RBFOX1: variants seen among roughly 807,000 people sequenced by gnomAD.
RBFOX1 encodes RNA binding protein fox-1 homolog 1.
In RBFOX1, 8 loss-of-function variants were observed where a neutral mutation model predicts 57.7. That is an observed-to-expected ratio of 0.14 (90% confidence interval 0.08 to 0.25). The LOEUF (loss-of-function observed/expected upper bound fraction) is 0.25, where lower values mean the gene tolerates loss of function less well. RBFOX1 is among the 10% of genes least tolerant of loss of function. The pLI, the probability that RBFOX1 is intolerant of heterozygous loss-of-function variation, is 1.00. For missense variants in RBFOX1, 611 were observed against 548.5 expected, an observed-to-expected ratio of 1.11 and a Z score of -1.14; for synonymous variants, 326 against 222.4, an observed-to-expected ratio of 1.47 and a Z score of -4.15.
intron 2 of RBFOX1, among the ~76,000 whole-genome samples, chr16:6,574,102 G>A (rs1013898101): frequency 2.0e-5 from 3 of 152,154 alleles, no homozygotes; most frequent in African/African-American, 7.2e-5. Flanking sequence ...AGCGATGAGA[G>A]GGAAACACTT....
chr16:7,463,049 A>G (rs967593470), intron 4 of RBFOX1, among the ~76,000 whole-genome samples: 1 of 152,220 alleles, frequency 6.6e-6, no homozygotes, highest in African/African-American at 2.4e-5. Context: ...CTTATCAACA[A>G]CAGAAATTCA....
intron 3 of RBFOX1, among the ~76,000 whole-genome samples, chr16:5,739,759 G>A (rs1324021644): frequency 6.6e-6 from 1 of 152,234 alleles, no homozygotes; most frequent in African/African-American, 2.4e-5. Flanking sequence ...CAGAGAGCAG[G>A]GAAAACAGGG....
intron 3 of RBFOX1, among the ~76,000 whole-genome samples, chr16:6,734,191 C>T (rs1185101263): frequency 2.0e-5 from 3 of 152,222 alleles, no homozygotes; most frequent in Admixed American, 6.5e-5. Context: ...AGCCCACATC[C>T]GTGCAGCTCT....
chr16:5,764,632 C>T (rs569829039), intron 3 of RBFOX1, among the ~76,000 whole-genome samples: 20 of 152,136 alleles, frequency 1.3e-4, no homozygotes, highest in African/African-American at 4.8e-4. Context: ...GGTAAGGAAC[C>T]CCGAGGGAAG....
chr16:7,512,063 C>A (rs2075239103), intron 4 of RBFOX1, among the ~76,000 whole-genome samples: 1 of 151,278 alleles, frequency 6.6e-6, no homozygotes, highest in African/African-American at 2.4e-5. Flanking sequence ...CACCCTGACT[C>A]TGCAGATATC....
At chr16:6,925,183 G>A (rs1245650047) in intron 3 of RBFOX1, among the ~76,000 whole-genome samples, 3 of 114,366 alleles carry the variant, frequency 2.6e-5, no homozygotes, top group African/African-American at 1.0e-4. Context: ...GCCTAGACTG[G>A]AGTGCAGTGG....
intron 2 of RBFOX1, among the ~76,000 whole-genome samples, chr16:6,414,632 C>A (rs746269165): frequency 1.3e-5 from 2 of 152,188 alleles, no homozygotes; most frequent in Non-Finnish European, 2.9e-5. Context: ...ATATCTAGCA[C>A]CATGTCTGGA....
At chr16:5,339,470 G>GGTTTTTTTTTTTTTTTTTTTTTTTTTTT (rs1567354925) in intron 1 of RBFOX1, among the ~76,000 whole-genome samples, 1 of 40,854 alleles carries the variant, frequency 2.4e-5, no homozygotes, top group South Asian at 2.0e-3. Flanking sequence ...CTTTTTCCGT[G>GGTTTTTTTTTTTTTTTTTTTTTTTTTTT]TTTTTTTTTT....
intron 4 of RBFOX1, among the ~76,000 whole-genome samples, chr16:7,228,813 T>C (rs2093312753): frequency 6.6e-6 from 1 of 152,234 alleles, no homozygotes; most frequent in Admixed American, 6.5e-5. Flanking sequence ...ATTAAAAACA[T>C]AATCTCTCGG....
chr16:7,680,741 CTAATG>C (rs1426370709), intron 14 of RBFOX1, among the ~76,000 whole-genome samples: 2 of 152,116 alleles, frequency 1.3e-5, no homozygotes, highest in African/African-American at 4.8e-5. Flanking sequence ...AGTTTCACTG[CTAATG>C]TAGAGTTAGA....
At chr16:5,907,610 G>A (rs1055785411) in intron 4 of RBFOX1, among the ~76,000 whole-genome samples, 1 of 151,986 alleles carries the variant, frequency 6.6e-6, no homozygotes, top group Non-Finnish European at 1.5e-5. Flanking sequence ...TTTAAGTCTC[G>A]TAACAACCCC....
At chr16:7,329,142 C>A (rs1180628780) in intron 4 of RBFOX1, among the ~76,000 whole-genome samples, 2 of 152,152 alleles carry the variant, frequency 1.3e-5, no homozygotes, top group African/African-American at 2.4e-5. Context: ...TTCTGCAACA[C>A]CTAAAATATT....
intron 4 of RBFOX1, among the ~76,000 whole-genome samples, chr16:5,893,559 C>A (rs1313660253): frequency 6.6e-6 from 1 of 152,136 alleles, no homozygotes; most frequent in Non-Finnish European, 1.5e-5. Context: ...GTAATCCCAG[C>A]CCTTTGGTAG....
At chr16:6,218,827 G>T (rs960806729) in intron 1 of RBFOX1, among the ~76,000 whole-genome samples, 20 of 147,654 alleles carry the variant, frequency 1.4e-4, no homozygotes, top group Admixed American at 8.4e-4. Context: ...TATTAGTTAA[G>T]TCCCAAATGG....
chr16:6,669,373 T>G (rs1336814955), intron 3 of RBFOX1, among the ~76,000 whole-genome samples: 1 of 152,184 alleles, frequency 6.6e-6, no homozygotes, highest in Non-Finnish European at 1.5e-5. Flanking sequence ...TAGGATTTAT[T>G]TTTGCATAAA....
chr16:7,433,378 A>G (rs543907103), intron 4 of RBFOX1, among the ~76,000 whole-genome samples: 1 of 152,256 alleles, frequency 6.6e-6, no homozygotes, highest in East Asian at 1.9e-4. Context: ...TCTCCTCCCC[A>G]CGTCATCATA....
At chr16:6,383,308 CTCTT>C (rs1281024363) in intron 2 of RBFOX1, among the ~76,000 whole-genome samples, 4 of 152,214 alleles carry the variant, frequency 2.6e-5, no homozygotes, top group African/African-American at 9.7e-5. Context: ...GTTGACTCTC[CTCTT>C]TGTCAGAAAA....
intron 2 of RBFOX1, among the ~76,000 whole-genome samples, chr16:6,477,415 G>C (rs1042332858): frequency 5.3e-5 from 8 of 152,190 alleles, no homozygotes; most frequent in African/African-American, 1.9e-4. Flanking sequence ...TTATGTCCTT[G>C]TGCTTCTCCA....
intron 3 of RBFOX1, among the ~76,000 whole-genome samples, chr16:5,609,906 G>A (rs2047714466): frequency 6.6e-6 from 1 of 152,160 alleles, no homozygotes; most frequent in Non-Finnish European, 1.5e-5. Context: ...ACCGACATCA[G>A]CATAATTTGT....
Sources: allele counts gnomAD v4.1 joint callset (sites outside exome capture counted in the v4.1 genomes callset), GRCh38; gene constraint gnomAD v4.1.1; transcripts MANE v1.5; gene names NCBI Gene and HGNC (gene_info 2026-07-23, HGNC 2026-07-21).